The following SLC25A48 variants were observed in gnomAD, a reference collection of about 807,000 sequenced individuals.
SLC25A48 encodes the protein CTC-321K16.1.
Under a neutral mutation model 32.2 loss-of-function variants are expected in SLC25A48, and 29 were observed. That is an observed-to-expected ratio of 0.90 (90% CI 0.67 to 1.23). The LOEUF (loss-of-function observed/expected upper bound fraction) is 1.23. Ranked by LOEUF, SLC25A48 falls within the 50% of genes most tolerant of loss-of-function variation. The probability of loss-of-function intolerance (pLI) is 0.00; values close to 1 mark genes in which losing one functional copy is unlikely to be tolerated. For missense variants in SLC25A48, 399 were observed against 422.7 expected, an observed-to-expected ratio of 0.94 and a Z score of 0.49; for synonymous variants, 164 against 172.3, an observed-to-expected ratio of 0.95 and a Z score of 0.38.
intron 3 of SLC25A48, among the ~76,000 whole-genome samples, chr5:135,697,376 G>A (rs1219020534): frequency 6.6e-6 from 1 of 152,216 alleles, no homozygotes; most frequent in East Asian, 1.9e-4. Flanking sequence ...GTTGGGCTTG[G>A]TAGGTGGTGA....
chr5:135,591,262 T>G (rs1214414455), intron 1 of SLC25A48, among the ~76,000 whole-genome samples: 1 of 152,302 alleles, frequency 6.6e-6, no homozygotes, highest in East Asian at 1.9e-4. Flanking sequence ...CCTTTTAGGG[T>G]ATAAAGAAAC....
intron 3 of SLC25A48, among the ~76,000 whole-genome samples, chr5:135,784,426 G>C (rs1348196410): frequency 2.5e-5 from 3 of 118,244 alleles, no homozygotes; most frequent in Admixed American, 8.6e-5. Context: ...CACCCACCCT[G>C]TGATATTGTT....
intron 3 of SLC25A48, among the ~76,000 whole-genome samples, chr5:135,685,722 C>T (rs1314015277): frequency 6.6e-6 from 1 of 152,226 alleles, no homozygotes. Flanking sequence ...CCGCACCCAG[C>T]CTATGTAAGG....
chr5:135,873,630 G>A (rs1486001675), intron 5 of SLC25A48, among the ~76,000 whole-genome samples: 1 of 152,170 alleles, frequency 6.6e-6, no homozygotes, highest in African/African-American at 2.4e-5. Context: ...CTGGGAAGGT[G>A]CTCCCAAGTA....
At chr5:135,772,958 G>A (rs1756452345) in intron 3 of SLC25A48, among the ~76,000 whole-genome samples, 1 of 151,144 alleles carries the variant, frequency 6.6e-6, no homozygotes, top group African/African-American at 2.4e-5. Context: ...TGCAGAAGGT[G>A]TACACCTCTC....
chr5:135,847,761 C>T (rs970901297), intron 2 of SLC25A48, among the ~76,000 whole-genome samples: 18 of 152,130 alleles, frequency 1.2e-4, no homozygotes, highest in Admixed American at 1.2e-3. Context: ...AACACATTCT[C>T]CTCAAGAGCC....
chr5:135,787,626 A>G (rs1471550825), intron 3 of SLC25A48, among the ~76,000 whole-genome samples: 1 of 151,748 alleles, frequency 6.6e-6, no homozygotes, highest in African/African-American at 2.4e-5. Context: ...TTTCACAGGG[A>G]GTGTATACTC....
intron 3 of SLC25A48, among the ~76,000 whole-genome samples, chr5:135,719,314 T>C (rs972657444): frequency 6.6e-6 from 1 of 152,052 alleles, no homozygotes; most frequent in African/African-American, 2.4e-5. Context: ...GACTTGAAAG[T>C]TGTATGTTTG....
intron 1 of SLC25A48, among the ~76,000 whole-genome samples, chr5:135,618,264 A>G (rs2046142427): frequency 6.6e-6 from 1 of 152,064 alleles, no homozygotes; most frequent in African/African-American, 2.4e-5. Flanking sequence ...ATTTGCATTG[A>G]ATATCTTATT....
intron 3 of SLC25A48, among the ~76,000 whole-genome samples, chr5:135,697,429 T>C (rs1475071763): frequency 6.6e-6 from 1 of 152,188 alleles, no homozygotes; most frequent in African/African-American, 2.4e-5. Flanking sequence ...GCTCCTTGAG[T>C]CAAGGGCTGT....
intron 3 of SLC25A48, among the ~76,000 whole-genome samples, chr5:135,779,522 A>ACACGCACTCTAATAAGGT (rs1326006136): frequency 1.8e-4 from 22 of 120,738 alleles, no homozygotes; most frequent in Admixed American, 3.3e-4. Flanking sequence ...GGGGGTGTAC[A>ACACGCACTCTAATAAGGT]TGCCCCCCTG....
intron 3 of SLC25A48, among the ~76,000 whole-genome samples, chr5:135,802,079 CCT>C (rs1757343640): frequency 6.6e-6 from 1 of 151,654 alleles, no homozygotes; most frequent in African/African-American, 2.4e-5. Flanking sequence ...TGTACACTCC[CCT>C]GTTCATAATA....
intron 3 of SLC25A48, among the ~76,000 whole-genome samples, chr5:135,797,598 G>C (rs889071637): frequency 1.3e-5 from 2 of 151,772 alleles, no homozygotes; most frequent in Non-Finnish European, 2.9e-5. Flanking sequence ...CAGTATCCAG[G>C]GGGAGAGAGG....
At chr5:135,788,354 G>T (rs1384899131) in intron 3 of SLC25A48, among the ~76,000 whole-genome samples, 4 of 139,376 alleles carry the variant, frequency 2.9e-5, no homozygotes, top group East Asian at 2.5e-4. Context: ...GGGTTGGGGG[G>T]TGTACACCCC....
chr5:135,658,073 A>C (rs1332317692), intron 3 of SLC25A48, among the ~76,000 whole-genome samples: 3 of 152,206 alleles, frequency 2.0e-5, no homozygotes, highest in African/African-American at 7.2e-5. Context: ...AAACACAGTC[A>C]TGCCTTCCCA....
chr5:135,584,711 T>G (rs1231188915), intron 1 of SLC25A48, among the ~76,000 whole-genome samples: 1 of 152,168 alleles, frequency 6.6e-6, no homozygotes, highest in East Asian at 1.9e-4. Flanking sequence ...AAATAAAGAT[T>G]TAAACTAAAT....
chr5:135,735,912 C>T lies in SLC25A48; in HGVS notation c.-520-76611C>T, dbSNP rs548484662. 7.9e-5 allele frequency among the ~76,000 whole-genome samples: 12 copies of T among 152,258 alleles called. No individual in the cohort carries two copies. In the East Asian group the frequency reaches 2.1e-3, roughly 27 times the overall value. Reference sequence around the variant, plus strand: ...CTGTGCCTTCAGCTCCAGCCACTCTCTAAGAGGAAATTGTTGGGCAGCTGG... The same window carrying T: ...CTGTGCCTTCAGCTCCAGCCACTCTTTAAGAGGAAATTGTTGGGCAGCTGG... On this transcript the variant is annotated intron_variant, in intron 3 of 10. Transcript: ENST00000646290.
chr5:135,844,582 A>G (rs1759261115), intron 2 of SLC25A48, among the ~76,000 whole-genome samples: 1 of 152,014 alleles, frequency 6.6e-6, no homozygotes, highest in South Asian at 2.1e-4. Context: ...CACGATACAA[A>G]TCCTTGGCTT....
At chr5:135,668,625 A>G (rs1753577710) in intron 3 of SLC25A48, among the ~76,000 whole-genome samples, 1 of 152,230 alleles carries the variant, frequency 6.6e-6, no homozygotes, top group African/African-American at 2.4e-5. Flanking sequence ...GTTTAGTGTG[A>G]GACAAACAAA....
Sources: allele counts gnomAD v4.1 joint callset (sites outside exome capture counted in the v4.1 genomes callset), GRCh38; gene constraint gnomAD v4.1.1; transcripts MANE v1.5; gene names NCBI Gene and HGNC (gene_info 2026-07-23, HGNC 2026-07-21).